The following RBBP8 variants were observed in gnomAD, a reference collection of about 807,000 sequenced individuals.
RBBP8 encodes DNA endonuclease RBBP8.
A neutral mutation model predicts 108.3 loss-of-function variants in RBBP8; 88 were observed. That is an observed-to-expected ratio of 0.81 (90% CI 0.68 to 0.97). The LOEUF (loss-of-function observed/expected upper bound fraction) is 0.97, where lower values mean the gene tolerates loss of function less well. Among genes scored for constraint, RBBP8 ranks in the 50% least tolerant of loss-of-function variants. The pLI is 0.00. For synonymous variants in RBBP8, 332 were observed against 348.2 expected (o/e 0.95, Z 0.52); for missense variants, 1,023 against 1,049.0 (o/e 0.98, Z 0.34).
chr18:22,991,188 G>A (rs1915675034), intron 10 of RBBP8, 139 bp downstream of exon 10: 1 of 713,070 alleles, frequency 1.4e-6, no homozygotes, highest in South Asian at 1.6e-5. Flanking sequence ...TTTAAAAATT[G>A]TCTCCCTAGT....
chr18:23,020,777 T>C (rs1268173585), intron 17 of RBBP8, among the ~76,000 whole-genome samples: 2 of 152,228 alleles, frequency 1.3e-5, no homozygotes, highest in Admixed American at 1.3e-4. Context: ...GTGTTACAAC[T>C]GCACTCACCG....
intron 1 of RBBP8, chr18:22,933,887 C>G (rs1045196998): frequency 1.3e-5 from 2 of 152,270 alleles, no homozygotes; most frequent in Non-Finnish European, 2.9e-5. Context: ...GCACGCGGAA[C>G]CGGCGCGGGC....
intron 3 of RBBP8, among the ~76,000 whole-genome samples, chr18:22,927,700 ATTAAG>A (rs929049751): frequency 2.0e-5 from 3 of 152,178 alleles, no homozygotes; most frequent in African/African-American, 7.2e-5. Flanking sequence ...AATAAAATAT[ATTAAG>A]TTAATTTCAC....
Position 22,993,838 on chromosome 18 carries a change from A to G in RBBP8, c.1930A>G (p.Asn644Asp). The G allele has an allele frequency of 6.2e-7, 1 of 1,613,208 alleles. No homozygotes were observed. Among genetic ancestry groups the G allele is most frequent in the Non-Finnish European group, 8.5e-7 (1 of 1,179,234 alleles). ...CRTGKIKSLQ[N>D]NQDVSFENIQ... Reference sequence around the variant, plus strand: ...AACTGGTAAAATAAAGTCTCTACAAAACAACCAAGGTGTGTACACCATAAA... The same window carrying G: ...AACTGGTAAAATAAAGTCTCTACAAGACAACCAAGGTGTGTACACCATAAA... Residue 644 changes from asparagine (N) to aspartate (D), a missense_variant, in exon 12 of 19, where the codon AAC (asparagine) becomes GAC (aspartate). Coordinates refer to ENST00000327155, the MANE Select transcript of RBBP8 (RefSeq NM_002894.3).
chr18:22,994,905 T>C (rs544533446), intron 12 of RBBP8, among the ~76,000 whole-genome samples: 1 of 152,004 alleles, frequency 6.6e-6, no homozygotes, highest in East Asian at 1.9e-4. Context: ...TTTTTATTTT[T>C]TGAAGTGACT....
chr18:22,979,355 A>G (rs928334817), intron 6 of RBBP8, among the ~76,000 whole-genome samples: 3 of 152,096 alleles, frequency 2.0e-5, no homozygotes, highest in African/African-American at 4.8e-5. Flanking sequence ...ATTTTAAATA[A>G]TTAGACATTA....
intron 5 of RBBP8, among the ~76,000 whole-genome samples, chr18:22,974,631 T>C (rs1255138442): frequency 6.6e-6 from 1 of 152,186 alleles, no homozygotes; most frequent in Non-Finnish European, 1.5e-5. Flanking sequence ...GGCTGATTTT[T>C]GTGTTTTTAG....
chr18:22,949,920 A>G (rs146596405), intron 4 of RBBP8: 3 of 510,236 alleles, frequency 5.9e-6, no homozygotes, highest in East Asian at 3.3e-5. Context: ...CCTTTAAATG[A>G]TATCTTTATC....
chr18:23,001,709 C>T lies in RBBP8; in HGVS notation c.2267C>T (p.Thr756Ile). ...QAADEEEELS[T>I]ATKKLHTHGD... is the part of the protein sequence containing the mutation. ...GCAGATGAAGAGGAGGAATTGTCTA[C>T]TGCCACAAAGAAACTACACAGTAAG... The change falls in exon 15 of 19, where the codon ACT becomes ATT. Residue 756 changes from threonine to isoleucine, a missense_variant. Coordinates refer to ENST00000327155, the MANE Select transcript of RBBP8 (RefSeq NM_002894.3). 1 of 1,614,132 alleles carries T rather than the reference C, an allele frequency of 6.2e-7. No homozygotes were observed. Among genetic ancestry groups the T allele is most frequent in the Non-Finnish European group, 8.5e-7 (1 of 1,179,998 alleles).
At chr18:22,974,002 G>A (rs1193484219) in intron 5 of RBBP8, among the ~76,000 whole-genome samples, 3 of 152,178 alleles carry the variant, frequency 2.0e-5, no homozygotes, top group Admixed American at 6.5e-5. Context: ...CACGAAAGTA[G>A]TTTAATAACC....
Position 22,996,355 on chromosome 18 carries a change from CTCTT to C in RBBP8, c.1940-16_1940-13del. On this transcript the variant is annotated splice_polypyrimidine_tract_variant and intron_variant, in intron 12 of 18. Transcript: ENST00000327155. The stretch of plus-strand genomic sequence containing the variant: ...TTGAAATCAGTTTTTTAATTGCATG[CTCTT>C]TCCCTTTACCTAAGATGTATCCTTT... The C allele has an allele frequency of 6.2e-7, 1 of 1,612,756 alleles. No individual in the cohort carries two copies. The highest frequency in any genetic ancestry group is 8.5e-7 in the Non-Finnish European group (1 of 1,179,652).
chr18:22,956,813 GATT>G (rs1248920522), intron 4 of RBBP8, among the ~76,000 whole-genome samples: 1 of 151,992 alleles, frequency 6.6e-6, no homozygotes, highest in African/African-American at 2.4e-5. Context: ...TATGTTTAAT[GATT>G]ATTATGTTTT....
chr18:22,990,614 A>G (rs1005723891), intron 9 of RBBP8, among the ~76,000 whole-genome samples: 2 of 152,214 alleles, frequency 1.3e-5, no homozygotes, highest in Non-Finnish European at 2.9e-5. Context: ...TTATGCAGCT[A>G]TCACTTCTAT....
At chr18:22,937,962 A>T (rs1910720462) in intron 2 of RBBP8, among the ~76,000 whole-genome samples, 1 of 151,628 alleles carries the variant, frequency 6.6e-6, no homozygotes, top group Non-Finnish European at 1.5e-5. Context: ...GGTACCTGGG[A>T]CTACAGGTGT....
chr18:22,940,085 A>G (rs988299131), intron 2 of RBBP8, among the ~76,000 whole-genome samples: 1 of 151,456 alleles, frequency 6.6e-6, no homozygotes, highest in African/African-American at 2.5e-5. Flanking sequence ...CTAGAAATGT[A>G]CATAGATCCA....
chr18:23,001,541 A>G, intron 14 of RBBP8, 45 bp from the exon 15 acceptor site: 1 of 1,611,834 alleles, frequency 6.2e-7, no homozygotes, highest in Non-Finnish European at 8.5e-7. Flanking sequence ...CTACATATTA[A>G]GCAAAAGCTT....
At chr18:22,942,316 C>G (rs1911159322) in intron 2 of RBBP8, among the ~76,000 whole-genome samples, 1 of 152,076 alleles carries the variant, frequency 6.6e-6, no homozygotes, top group African/African-American at 2.4e-5. Context: ...TCTGAATGCT[C>G]TGCTACACGT....
chr18:23,023,869 CTTT>C (rs10655759), intron 18 of RBBP8, among the ~76,000 whole-genome samples: 8 of 86,118 alleles, frequency 9.3e-5, no homozygotes, highest in African/African-American at 2.8e-4. Context: ...ATGAAGGGGC[CTTT>C]TTTTTTTTTT....
At chr18:22,918,876 T>C (rs1909472471) in intron 3 of RBBP8, among the ~76,000 whole-genome samples, 1 of 152,162 alleles carries the variant, frequency 6.6e-6, no homozygotes, top group Non-Finnish European at 1.5e-5. Flanking sequence ...GCCTAAGAAT[T>C]TCTATATGCT....
Sources: gnomAD v4.1 joint callset for allele counts (sites outside exome capture counted in the v4.1 genomes callset) on GRCh38, gnomAD v4.1.1 for gene constraint, MANE v1.5 for transcripts, NCBI Gene and HGNC (gene_info 2026-07-23, HGNC 2026-07-21) for gene names.